Variants in SMARCAL1 observed in about 807,000 individuals in gnomAD.
SMARCAL1 encodes the protein SNF2 related chromatin remodeling annealing helicase 1, also known as ATP-driven annealing helicase.
SMARCAL1 carries 58 observed loss-of-function variants against 94.5 expected under a neutral mutation model. The ratio of observed to expected loss-of-function variants is 0.61; its 90% CI spans 0.50 to 0.76. SMARCAL1 has a LOEUF of 0.76. Ranked by LOEUF, SMARCAL1 falls within the 30% of genes least tolerant of loss-of-function variation. SMARCAL1 has a pLI of 0.00. For missense variants in SMARCAL1, 1,051 were observed against 1,177.9 expected, an observed-to-expected ratio of 0.89 and a Z score of 1.58; for synonymous variants, 422 against 455.1, an observed-to-expected ratio of 0.93 and a Z score of 0.93.
At chr2:216,476,771 A>C (rs2106088164) in intron 15 of SMARCAL1, among the ~76,000 whole-genome samples, 1 of 152,296 alleles carries the variant, frequency 6.6e-6, no homozygotes, top group South Asian at 2.1e-4. Flanking sequence ...CTCCATCACC[A>C]GCCCCTCCCC....
intron 10 of SMARCAL1, among the ~76,000 whole-genome samples, chr2:216,438,852 G>A (rs983587188): frequency 2.0e-5 from 3 of 152,120 alleles, no homozygotes; most frequent in African/African-American, 7.2e-5. Flanking sequence ...AGAAAAAACT[G>A]CCTGTCTTCT....
intron 7 of SMARCAL1, 22 bp downstream of exon 7, chr2:216,428,804 C>G (rs763743905): frequency 6.2e-6 from 10 of 1,605,264 alleles, no homozygotes; most frequent in Admixed American, 1.7e-5. Context: ...ATCTTCCTCT[C>G]TCTTCCTCTG....
rs1005146912 is a variant in SMARCAL1 at position 216,444,165 on chromosome 2, G to T, written c.1711-2853G>T. Among the ~76,000 whole-genome samples the T allele has an allele frequency of 3.3e-5, 5 of 152,210 alleles. No individual in the cohort carries two copies. The South Asian group carries it at 6.2e-4, about 19-fold the overall frequency. ...TACTGAGTATGGAGACTTTCCAGCG[G>T]TGTGGACTTGACCTTCTCTTTGATA... On this transcript the variant is annotated intron_variant, in intron 10 of 17. Transcript: ENST00000357276.
rs1187780569 is a variant in SMARCAL1, at chr2:216,432,843, C to T, written c.1460C>T (p.Ser487Phe). The stretch of plus-strand genomic sequence containing the variant: ...TGGCCGCTCCTGGTGGTGGTGCCAT[C>T]CTCCGTGCGCTTCACCTGGGAGCAG... ...KEWPLLVVVP[S>F]SVRFTWEQAF... The change falls in exon 8 of 18, where the codon TCC (serine) becomes TTC (phenylalanine). Residue 487 changes from serine to phenylalanine, a missense_variant. Physicochemically the swap from Ser to Phe is radical, Grantham distance 155. This residue lies in a region of SMARCAL1 where 642 missense variants were observed against 754.7 expected (regional missense o/e 0.85). Transcript: ENST00000357276. 1 of 1,614,226 alleles carries T rather than the reference C, an allele frequency of 6.2e-7. No homozygotes were observed. Among genetic ancestry groups the T allele is most frequent in the Non-Finnish European group, 8.5e-7 (1 of 1,180,046 alleles).
intron 12 of SMARCAL1, among the ~76,000 whole-genome samples, chr2:216,458,699 A>G (rs999251975): frequency 1.3e-5 from 2 of 152,220 alleles, no homozygotes; most frequent in African/African-American, 2.4e-5. Flanking sequence ...AATAAGAGCT[A>G]TTTATGACAA....
At position 216,450,845 on chromosome 2, in the gene SMARCAL1, G is replaced by C; in HGVS notation, c.1852-1G>C. The C allele has an allele frequency of 6.2e-7, 1 of 1,613,264 alleles. No homozygotes were observed. ...GGCTGTCGCTGTCTTGTTCTCTGCA[G>C]ATGCCTTGGGGGTGGGACTACTCAG... is the stretch of plus-strand genomic sequence containing the variant. On this transcript the variant is annotated splice_acceptor_variant, in intron 11 of 17. Transcript: ENST00000357276. LOFTEE classifies it high-confidence loss of function.
intron 7 of SMARCAL1, among the ~76,000 whole-genome samples, chr2:216,431,897 G>A: frequency 6.6e-6 from 1 of 152,276 alleles, no homozygotes. Context: ...TCTCGCCTCT[G>A]TCCTCATTAG....
At chr2:216,473,773 G>A (rs1200067472) in intron 14 of SMARCAL1, among the ~76,000 whole-genome samples, 1 of 152,082 alleles carries the variant, frequency 6.6e-6, no homozygotes, top group East Asian at 1.9e-4. Context: ...ATAAATAAAT[G>A]CCATTTAAAA....
At position 216,468,403 on chromosome 2, in the gene SMARCAL1, T is replaced by C. The variant is rs111396894; in HGVS notation, c.2244+357T>C. 3.2e-3 allele frequency among the ~76,000 whole-genome samples: 494 copies of C among 152,332 alleles called. 2 individuals carry two copies. Among genetic ancestry groups the C allele is most frequent in the African/African-American group, 0.012 (481 of 41,574 alleles). On this transcript the variant is annotated intron_variant, in intron 14 of 17. Coordinates refer to ENST00000357276, the MANE Select transcript of SMARCAL1 (RefSeq NM_014140.4). Reference sequence around the variant, plus strand: ...TATTTATGTGAATGTTTTCCTCTTTTCCTTCCTTTCATTCCTCCTCAGCAC... The same window carrying C: ...TATTTATGTGAATGTTTTCCTCTTTCCCTTCCTTTCATTCCTCCTCAGCAC...
chr2:216,447,680 GA>G (rs1329857255), intron 11 of SMARCAL1, among the ~76,000 whole-genome samples: 5 of 146,170 alleles, frequency 3.4e-5, no homozygotes, highest in Non-Finnish European at 4.5e-5. Context: ...AAAAAAAAAA[GA>G]AAAAAAAAGA....
chr2:216,412,660 G>C lies in SMARCAL1; in HGVS notation c.-96+12G>C, dbSNP rs1693487761. The stretch of plus-strand genomic sequence containing the variant: ...CTAGGCCTCCCTGGGTGAGAAAGTG[G>C]TAGACTGGCAGGAAGGCGGCGGAGG... On this transcript the variant is annotated intron_variant, in intron 1 of 17. Transcript: ENST00000357276. 1 of 153,586 alleles carries C rather than the reference G, an allele frequency of 6.5e-6. No homozygotes were observed. The highest frequency in any genetic ancestry group is 6.5e-5 in the Admixed American group (1 of 15,296). 9.5% of individuals were successfully genotyped at this position (153,586 alleles called of 1,614,324 possible).
At chr2:216,415,781 CA>C (rs1693586263) in intron 3 of SMARCAL1, among the ~76,000 whole-genome samples, 1 of 152,174 alleles carries the variant, frequency 6.6e-6, no homozygotes, top group Admixed American at 6.5e-5. Flanking sequence ...GCTTTATATG[CA>C]TTGTAGCACT....
intron 13 of SMARCAL1, among the ~76,000 whole-genome samples, chr2:216,467,160 G>A (rs1388031486): frequency 1.3e-5 from 2 of 152,174 alleles, no homozygotes; most frequent in African/African-American, 2.4e-5. Context: ...CCACCTTAAG[G>A]CCAAGCGAAA....
At chr2:216,472,783 A>C in intron 14 of SMARCAL1, among the ~76,000 whole-genome samples, 1 of 114,234 alleles carries the variant, frequency 8.8e-6, no homozygotes, top group Non-Finnish European at 1.9e-5. Context: ...TGAAAAATAA[A>C]ATTTTTTTTT....
At chr2:216,478,074 T>C (rs1695127050) in intron 16 of SMARCAL1, 129 bp from the exon 17 acceptor site, 1 of 832,318 alleles carries the variant, frequency 1.2e-6, no homozygotes, top group Non-Finnish European at 2.1e-6. Context: ...GTTTGCACCT[T>C]GAGAGATGCA....
chr2:216,436,394 G>GA (rs751087777), intron 9 of SMARCAL1, among the ~76,000 whole-genome samples: 1 of 152,304 alleles, frequency 6.6e-6, no homozygotes, highest in East Asian at 1.9e-4. Flanking sequence ...GACAGACTTG[G>GA]TACCCAGCCA....
Position 216,415,174 on chromosome 2 carries a change from C to T in SMARCAL1, c.470C>T (p.Thr157Ile), listed in dbSNP as rs1267296633. 1.2e-6 allele frequency: 2 copies of T among 1,613,600 alleles called. No homozygotes were observed. Among genetic ancestry groups the T allele is most frequent in the Non-Finnish European group, 8.5e-7 (1 of 1,179,722 alleles). The change falls in exon 3 of 18, where the codon ACA becomes ATA. Residue 157 changes from threonine to isoleucine, a missense_variant. Around this residue, in one of 3 missense-constraint regions of SMARCAL1, gnomAD observed 398 missense variants for 395.2 expected, o/e 1.01. Coordinates refer to ENST00000357276, the MANE Select transcript of SMARCAL1 (RefSeq NM_014140.4). ...CAGGCTTCACCTGAGATCAGGTTCA[C>T]ACCCTTTGCTAACCCAACTCATAAG... Reference protein sequence around the residue: ...HAQASPEIRFTPFANPTHKPL... With the variant: ...HAQASPEIRFIPFANPTHKPL...
Position 216,475,171 on chromosome 2 carries a change from C to A in SMARCAL1, c.2245-98C>A. ...TCTGAAGGCAGGGGCCTCTGCTGAG[C>A]TGGAACCTGGTTCTGTGCTGGAGCT... On this transcript the variant is annotated intron_variant, in intron 14 of 17. Transcript: ENST00000357276. The surrounding 1 kb of genome is among the most constrained non-coding windows in gnomAD (Gnocchi z 4.4). 1 of 1,266,252 alleles carries A rather than the reference C, an allele frequency of 7.9e-7. No homozygotes were observed. Among genetic ancestry groups the A allele is most frequent in the African/African-American group, 1.5e-5 (1 of 68,256 alleles). 78.4% of individuals were successfully genotyped at this position (1,266,252 alleles called of 1,614,324 possible). A position where few individuals can be genotyped will look rare whatever the true frequency, so the allele number is the denominator to read the frequency against.
In SMARCAL1 at chr2:216,415,390, C is replaced by T. The variant is rs1693573031; in HGVS notation, c.686C>T (p.Ser229Leu). 1.9e-6 allele frequency: 3 copies of T among 1,614,078 alleles called. No individual in the cohort carries two copies. The highest frequency in any genetic ancestry group is 2.5e-6 in the Non-Finnish European group (3 of 1,180,036). Residue 229 changes from serine to leucine, a missense_variant, in exon 3 of 18, where the codon TCA becomes TTA. Around this residue, in one of 3 missense-constraint regions of SMARCAL1, gnomAD observed 398 missense variants for 395.2 expected, o/e 1.01. Transcript: ENST00000357276. The part of the protein sequence containing the change: ...EGRLQQKSGS[S>L]VQKGVNSQKG... ...AGACTCCAGCAGAAGTCAGGGTCCT[C>T]AGTCCAAAAAGGAGTGAACTCTCAG...
Sources: allele counts gnomAD v4.1 joint callset (sites outside exome capture counted in the v4.1 genomes callset), GRCh38; gene constraint gnomAD v4.1.1; regional missense constraint gnomAD v4.1.1; non-coding constraint Gnocchi (gnomAD v3.1); transcripts MANE v1.5; gene names NCBI Gene and HGNC (gene_info 2026-07-23, HGNC 2026-07-21).